NLGN1: variants seen among roughly 807,000 people sequenced by gnomAD.
The protein encoded by NLGN1 is neuroligin 1.
In NLGN1, 12 loss-of-function variants were observed where a neutral mutation model predicts 65.5. The observed-to-expected ratio is 0.18, with a 90% CI of 0.12 to 0.30. NLGN1 has a LOEUF of 0.30. Ranked by LOEUF, NLGN1 falls within the 10% of genes least tolerant of loss-of-function variation. The pLI is 1.00. For synonymous variants in NLGN1, 350 were observed against 359.5 expected, an observed-to-expected ratio of 0.97 and a Z score of 0.30; for missense variants, 750 against 1,007.1, an observed-to-expected ratio of 0.74 and a Z score of 3.46.
intron 3 of NLGN1, among the ~76,000 whole-genome samples, chr3:173,613,872 A>G (rs982894359): frequency 3.9e-5 from 6 of 152,032 alleles, no homozygotes; most frequent in Admixed American, 3.9e-4. Flanking sequence ...TTGTAACCAT[A>G]ATTATCATTT....
At chr3:174,039,463 C>T (rs1731829936) in intron 4 of NLGN1, among the ~76,000 whole-genome samples, 1 of 151,906 alleles carries the variant, frequency 6.6e-6, no homozygotes, top group Non-Finnish European at 1.5e-5. Flanking sequence ...GTGAAGTTCC[C>T]CTCCCTGTGT....
At chr3:173,928,482 T>C (rs948134252) in intron 4 of NLGN1, among the ~76,000 whole-genome samples, 2 of 152,160 alleles carry the variant, frequency 1.3e-5, no homozygotes, top group African/African-American at 4.8e-5. Flanking sequence ...TACTTGGAGA[T>C]AGGAACTATG....
At chr3:174,255,416 A>G (rs1351612678) in intron 4 of NLGN1, among the ~76,000 whole-genome samples, 1 of 138,782 alleles carries the variant, frequency 7.2e-6, no homozygotes, top group African/African-American at 2.8e-5. Flanking sequence ...AGCCTAGGCG[A>G]TAGAGCAAGA....
intron 4 of NLGN1, among the ~76,000 whole-genome samples, chr3:174,263,429 A>G (rs1049099085): frequency 6.7e-6 from 1 of 150,314 alleles, no homozygotes; most frequent in Non-Finnish European, 1.5e-5. Flanking sequence ...TCCCTTTACC[A>G]TTATGTAATG....
chr3:173,468,881 C>T (rs1413576788), intron 2 of NLGN1, among the ~76,000 whole-genome samples: 1 of 151,924 alleles, frequency 6.6e-6, no homozygotes, highest in East Asian at 1.9e-4. Context: ...GAATTAAAAG[C>T]CAGTGCATAA....
intron 4 of NLGN1, among the ~76,000 whole-genome samples, chr3:173,866,096 C>T (rs1730107414): frequency 6.6e-6 from 1 of 152,296 alleles, no homozygotes; most frequent in East Asian, 1.9e-4. Context: ...TTGAGCCTGA[C>T]ACCTGTTCTT....
intron 2 of NLGN1, among the ~76,000 whole-genome samples, chr3:173,438,698 G>A (rs11718137): frequency 0.17 from 26,025 of 151,986 alleles, 3,388 homozygotes; most frequent in African/African-American, 0.37. Context: ...TCTCTCACAC[G>A]TTTCAAAATG....
At chr3:173,454,418 A>G (rs1041693563) in intron 2 of NLGN1, among the ~76,000 whole-genome samples, 1 of 152,112 alleles carries the variant, frequency 6.6e-6, no homozygotes, top group African/African-American at 2.4e-5. Context: ...TGAAATTCCT[A>G]GATGGTATCA....
intron 2 of NLGN1, among the ~76,000 whole-genome samples, chr3:173,527,190 G>T (rs1436644828): frequency 6.6e-6 from 1 of 152,084 alleles, no homozygotes; most frequent in Non-Finnish European, 1.5e-5. Flanking sequence ...GTGTATGAGG[G>T]TTCCCTTTTC....
chr3:173,799,999 G>A (rs1288017164), intron 3 of NLGN1, among the ~76,000 whole-genome samples: 2 of 98,312 alleles, frequency 2.0e-5, no homozygotes, highest in Non-Finnish European at 4.1e-5. Flanking sequence ...TGTATGCAAT[G>A]GGTATTTTTT....
chr3:173,508,553 T>C (rs1423710546), intron 2 of NLGN1, among the ~76,000 whole-genome samples: 2 of 152,026 alleles, frequency 1.3e-5, no homozygotes, highest in African/African-American at 4.8e-5. Flanking sequence ...AGAAAATGGG[T>C]TGGGGTAGAG....
chr3:174,257,649 C>T (rs996899969), intron 4 of NLGN1, among the ~76,000 whole-genome samples: 1 of 151,574 alleles, frequency 6.6e-6, no homozygotes, highest in Non-Finnish European at 1.5e-5. Flanking sequence ...ACAACTAATG[C>T]GTTTGTTTGG....
At chr3:173,526,488 T>G (rs1466374777) in intron 2 of NLGN1, among the ~76,000 whole-genome samples, 2 of 152,146 alleles carry the variant, frequency 1.3e-5, no homozygotes, top group African/African-American at 4.8e-5. Context: ...ACATATTAGG[T>G]GTACATATTT....
At chr3:174,057,784 G>A (rs1293952028) in intron 4 of NLGN1, 1 of 152,052 alleles carries the variant, frequency 6.6e-6, no homozygotes, top group African/African-American at 2.4e-5. Context: ...CTTATAAGGA[G>A]CAGAAATCAT....
chr3:173,786,612 C>G (rs1054901457), intron 3 of NLGN1, among the ~76,000 whole-genome samples: 1 of 152,104 alleles, frequency 6.6e-6, no homozygotes, highest in Non-Finnish European at 1.5e-5. Flanking sequence ...ATTTATAAAT[C>G]AAACACTACT....
chr3:173,929,163 A>G (rs1217461856), intron 4 of NLGN1, among the ~76,000 whole-genome samples: 1 of 152,178 alleles, frequency 6.6e-6, no homozygotes, highest in African/African-American at 2.4e-5. Flanking sequence ...TCAATATACA[A>G]AACTTACATG....
intron 4 of NLGN1, among the ~76,000 whole-genome samples, chr3:174,110,381 C>T (rs924567881): frequency 1.3e-5 from 2 of 151,794 alleles, no homozygotes; most frequent in Non-Finnish European, 2.9e-5. Flanking sequence ...AGGGGATGTT[C>T]GTTGTATTTT....
exon 7 of NLGN1, chr3:174,282,315 T>C (rs138099539): frequency 1.4e-4 from 22 of 152,326 alleles, no homozygotes; most frequent in African/African-American, 5.1e-4. Flanking sequence ...AGGTGAAGTG[T>C]GTCCAAAGAG....
intron 4 of NLGN1, among the ~76,000 whole-genome samples, chr3:174,045,996 A>G (rs1160133018): frequency 6.6e-6 from 1 of 152,162 alleles, no homozygotes; most frequent in Non-Finnish European, 1.5e-5. Flanking sequence ...TACTAGGGCA[A>G]AAGCTACATG....
Sources: allele counts gnomAD v4.1 joint callset (sites outside exome capture counted in the v4.1 genomes callset), GRCh38; gene constraint gnomAD v4.1.1; transcripts MANE v1.5; gene names NCBI Gene and HGNC (gene_info 2026-07-23, HGNC 2026-07-21).